PRKAG1: variants seen among roughly 807,000 people sequenced by gnomAD.
PRKAG1 encodes the protein 5'-AMP-activated protein kinase subunit gamma-1.
Under a neutral mutation model 48.2 loss-of-function variants are expected in PRKAG1, and 27 were observed. That is an observed-to-expected ratio of 0.56 (90% CI 0.41 to 0.77). PRKAG1 has a LOEUF of 0.77. PRKAG1 is among the 30% of genes least tolerant of loss of function. PRKAG1 has a pLI of 0.00. For missense variants in PRKAG1, 287 were observed against 398.3 expected, an observed-to-expected ratio of 0.72 and a Z score of 2.38; for synonymous variants, 130 against 147.7, an observed-to-expected ratio of 0.88 and a Z score of 0.87.
chr12:49,003,978 C>T, intron 8 of PRKAG1, 56 bp from the exon 9 acceptor site: 2 of 1,536,288 alleles, frequency 1.3e-6, no homozygotes, highest in Non-Finnish European at 8.8e-7. Context: ...CCCTTGGATA[C>T]CCCCTCCAAC....
chr12:49,003,075 A>G lies in PRKAG1; in HGVS notation c.888+69T>C, dbSNP rs1941354015. On this transcript the variant is annotated intron_variant, in intron 11 of 11. Coordinates refer to ENST00000548065, the MANE Select transcript of PRKAG1 (RefSeq NM_002733.5). ...CCTCAGGGGAAGCCCCTCTGCCCCT[A>G]CTCTCCTTGCCAAACCCCACTCTCA... The G allele has an allele frequency of 3.7e-6, 6 of 1,612,598 alleles. No homozygotes were observed. In the Admixed American group the frequency reaches 8.3e-5, roughly 22 times the overall value.
At chr12:49,007,694 C>T (rs1394307915) in intron 2 of PRKAG1, among the ~76,000 whole-genome samples, 3 of 151,736 alleles carry the variant, frequency 2.0e-5, no homozygotes, top group African/African-American at 7.3e-5. Context: ...TTGCTAGTTT[C>T]CATTTTTTTT....
At chr12:49,013,019 GCT>G in intron 2 of PRKAG1, 41 bp downstream of exon 2, 1 of 1,544,244 alleles carries the variant, frequency 6.5e-7, no homozygotes, top group Non-Finnish European at 9.0e-7. Flanking sequence ...TTAGGGTCAG[GCT>G]ATTGTTTTCA....
At chr12:49,014,413 C>A (rs1359942569) in intron 1 of PRKAG1, among the ~76,000 whole-genome samples, 2 of 152,204 alleles carry the variant, frequency 1.3e-5, no homozygotes, top group African/African-American at 4.8e-5. Context: ...GAGCTTAGGG[C>A]TAACCCCTAC....
intron 10 of PRKAG1, 50 bp downstream of exon 10, chr12:49,003,508 G>GCCCCCC (rs67579566): frequency 8.7e-6 from 12 of 1,371,608 alleles, no homozygotes; most frequent in Middle Eastern, 1.9e-4. Flanking sequence ...ATTTAACAGT[G>GCCCCCC]CCCCCCCCCC....
chr12:49,018,139 G>C (rs1942073382), intron 1 of PRKAG1: 1 of 153,140 alleles, frequency 6.5e-6, no homozygotes, highest in Admixed American at 6.5e-5. Context: ...TAGAGTCGCA[G>C]AGCGGGCCAT....
At chr12:49,003,065 C>CTCTG in intron 11 of PRKAG1, 59 bp from the exon 12 acceptor site, 1 of 1,612,258 alleles carries the variant, frequency 6.2e-7, no homozygotes, top group Non-Finnish European at 8.5e-7. Context: ...GGGGAAGCCC[C>CTCTG]TCTGCCCCTA....
intron 10 of PRKAG1, 61 bp from the exon 11 acceptor site, chr12:49,003,351 C>A (rs568969633): frequency 1.2e-6 from 2 of 1,602,486 alleles, no homozygotes; most frequent in African/African-American, 1.3e-5. Flanking sequence ...AAACCCTGAA[C>A]CCATCCAACC....
At chr12:49,004,454 A>G (rs896178132) in intron 8 of PRKAG1, 53 bp downstream of exon 8, 2 of 1,590,200 alleles carry the variant, frequency 1.3e-6, no homozygotes, top group South Asian at 1.1e-5. Flanking sequence ...CAATCAATCA[A>G]TCAATCAATC....
intron 2 of PRKAG1, among the ~76,000 whole-genome samples, chr12:49,007,623 C>CTA (rs1272421016): frequency 6.6e-6 from 1 of 152,132 alleles, no homozygotes; most frequent in Non-Finnish European, 1.5e-5. Context: ...ATGAGAACAT[C>CTA]TATCTACCTT....
chr12:49,018,478 A>G, intron 1 of PRKAG1: 1 of 1,359,024 alleles, frequency 7.4e-7, no homozygotes, highest in Admixed American at 3.5e-5. Context: ...GGCCCCAAGG[A>G]GGGAGCCAGG....
At chr12:49,004,445 A>C (rs920284176) in intron 8 of PRKAG1, 62 bp downstream of exon 8, 8 of 1,548,592 alleles carry the variant, frequency 5.2e-6, no homozygotes, top group African/African-American at 1.4e-5. Flanking sequence ...CTCTCTTTTC[A>C]ATCAATCAAT....
chr12:49,012,839 C>T, intron 2 of PRKAG1: 2 of 531,222 alleles, frequency 3.8e-6, no homozygotes, highest in Admixed American at 6.7e-5. Context: ...TCAGATGTTT[C>T]TCTCAAGTGG....
intron 2 of PRKAG1, among the ~76,000 whole-genome samples, chr12:49,010,426 T>C (rs1941708865): frequency 6.6e-6 from 1 of 152,152 alleles, no homozygotes; most frequent in Admixed American, 6.6e-5. Context: ...CTGCCAGCGC[T>C]CTGGAAACTG....
chr12:49,011,489 A>C (rs1941759118), intron 2 of PRKAG1, among the ~76,000 whole-genome samples: 2 of 151,232 alleles, frequency 1.3e-5, no homozygotes. Flanking sequence ...CTGGTGTTAC[A>C]CTGTGCCCAG....
chr12:49,005,858 T>C lies in PRKAG1; in HGVS notation c.59-6A>G, dbSNP rs367864375. ...ATTGTTGGATTCTGGGGTCTCTGCA[T>C]AGGGTGGGATAGTTAGTAGCTTCCT... is the stretch of plus-strand genomic sequence containing the variant. On this transcript the variant is annotated splice_polypyrimidine_tract_variant and splice_region_variant and intron_variant, in intron 2 of 11. Transcript: ENST00000548065. The surrounding 1 kb of genome is among the most constrained non-coding windows in gnomAD (Gnocchi z 4.1). 1.3e-6 allele frequency: 2 copies of C among 1,555,698 alleles called. No individual in the cohort carries two copies. The highest frequency in any genetic ancestry group is 1.7e-6 in the Non-Finnish European group (2 of 1,149,930).
intron 2 of PRKAG1, among the ~76,000 whole-genome samples, chr12:49,009,892 C>T (rs1272099393): frequency 3.9e-5 from 6 of 152,146 alleles, no homozygotes; most frequent in Non-Finnish European, 4.4e-5. Context: ...GGATTACAGG[C>T]GTGAGCCACC....
chr12:49,007,620 CATCT>C (rs1336637021), intron 2 of PRKAG1, among the ~76,000 whole-genome samples: 6 of 152,128 alleles, frequency 3.9e-5, no homozygotes, highest in African/African-American at 1.4e-4. Context: ...GAGATGAGAA[CATCT>C]ATCTACCTTA....
Position 49,002,966 on chromosome 12 carries a change from T to G in PRKAG1, c.929A>C (p.Lys310Thr). Residue 310 changes from lysine to threonine, a missense_variant, in exon 12 of 12, where the codon AAG (lysine) becomes ACG (threonine). Physicochemically the swap from Lys to Thr is moderately conservative, Grantham distance 78. Coordinates refer to ENST00000548065, the MANE Select transcript of PRKAG1 (RefSeq NM_002733.5). ...GATGTCAGACAGTGATACAATTCCC[T>G]TGACCACATCATTTTCATCCACCAC... Reference protein sequence around the residue: ...LVVVDENDVVKGIVSLSDILQ... With the variant: ...LVVVDENDVVTGIVSLSDILQ... 6.2e-7 allele frequency: 1 copy of G among 1,614,216 alleles called. No individual in the cohort carries two copies. Among genetic ancestry groups the G allele is most frequent in the Non-Finnish European group, 8.5e-7 (1 of 1,180,030 alleles).
Sources: allele counts gnomAD v4.1 joint callset (sites outside exome capture counted in the v4.1 genomes callset), GRCh38; gene constraint gnomAD v4.1.1; non-coding constraint Gnocchi (gnomAD v3.1); transcripts MANE v1.5; gene names NCBI Gene and HGNC (gene_info 2026-07-23, HGNC 2026-07-21).